CUL2: variants seen among roughly 807,000 people sequenced by gnomAD.
CUL2 encodes the protein cullin 2, also known as cullin-2.
CUL2 carries 22 observed loss-of-function variants against 110.2 expected under a neutral mutation model. That is an observed-to-expected ratio of 0.20 (90% CI 0.14 to 0.28). The LOEUF is 0.28. Ranked by LOEUF, CUL2 falls within the 10% of genes least tolerant of loss-of-function variation. The pLI is 1.00. For synonymous variants in CUL2, 279 were observed against 293.2 expected, an observed-to-expected ratio of 0.95 and a Z score of 0.49; for missense variants, 631 against 905.5, an observed-to-expected ratio of 0.70 and a Z score of 3.89.
intron 1 of CUL2, among the ~76,000 whole-genome samples, chr10:35,108,515 G>C (rs990878419): frequency 6.6e-6 from 1 of 152,044 alleles, no homozygotes; most frequent in Non-Finnish European, 1.5e-5. Context: ...ATAGTTGTGG[G>C]AAAGACAGGG....
intron 1 of CUL2, among the ~76,000 whole-genome samples, chr10:35,113,545 G>A (rs1312502064): frequency 7.7e-6 from 1 of 129,718 alleles, no homozygotes; most frequent in Admixed American, 8.5e-5. Context: ...GCAAGATCCA[G>A]TAACTAGCAA....
At chr10:35,115,904 T>C (rs2087591340) in intron 1 of CUL2, among the ~76,000 whole-genome samples, 1 of 151,596 alleles carries the variant, frequency 6.6e-6, no homozygotes, top group Non-Finnish European at 1.5e-5. Context: ...AAAAATATAA[T>C]AAAATAATAA....
At chr10:35,030,260 G>A (rs1468895403) in intron 14 of CUL2, among the ~76,000 whole-genome samples, 1 of 152,220 alleles carries the variant, frequency 6.6e-6, no homozygotes, top group South Asian at 2.1e-4. Flanking sequence ...ATTTTTAATA[G>A]CATCTACTGA....
intron 10 of CUL2, 80 bp downstream of exon 10, chr10:35,035,092 T>G: frequency 6.6e-7 from 1 of 1,516,964 alleles, no homozygotes; most frequent in Non-Finnish European, 9.1e-7. Context: ...CTTTCATCTT[T>G]CAAAACAATA....
chr10:35,039,794 G>A (rs565365387), intron 8 of CUL2, among the ~76,000 whole-genome samples: 1 of 152,320 alleles, frequency 6.6e-6, no homozygotes, highest in Non-Finnish European at 1.5e-5. Flanking sequence ...GGTGGGGGTT[G>A]TAACGAGCCA....
rs2134740954 is a variant in CUL2 at position 35,034,988 on chromosome 10, T to C, written c.1002+184A>G. Among the ~76,000 whole-genome samples the C allele has an allele frequency of 1.3e-5, 2 of 152,358 alleles. 1 individual carries two copies. The highest frequency in any genetic ancestry group is 1.3e-4 in the Admixed American group (2 of 15,302). On this transcript the variant is annotated intron_variant, in intron 10 of 20. Coordinates refer to ENST00000374749, the MANE Select transcript of CUL2 (RefSeq NM_003591.4). ...AAGCAGCAGCCTATCAATAGCTTTC[T>C]AATAATCTGATAATTCCAAAATGAG... is the stretch of plus-strand genomic sequence containing the variant.
At chr10:35,072,034 A>C (rs752243870) in intron 1 of CUL2, among the ~76,000 whole-genome samples, 1 of 152,170 alleles carries the variant, frequency 6.6e-6, no homozygotes, top group East Asian at 1.9e-4. Flanking sequence ...TTTGGCCCCA[A>C]ATCCTTGTGG....
rs181272473 is a variant in CUL2 at position 35,069,445 on chromosome 10, A to C, written c.119+1754T>G. ...AGTCCCAGCTACTCAGGAGGCTGAG[A>C]TAGGAGGATCTCTTGAGCCTAGGAG... is the stretch of plus-strand genomic sequence containing the variant. On this transcript the variant is annotated intron_variant, in intron 2 of 20. Coordinates refer to ENST00000374749, the MANE Select transcript of CUL2 (RefSeq NM_003591.4). Among the ~76,000 whole-genome samples the C allele has an allele frequency of 2.3e-3, 351 of 152,084 alleles. 2 individuals are homozygous for C. Among genetic ancestry groups the C allele is most frequent in the African/African-American group, 8.2e-3 (341 of 41,518 alleles).
chr10:35,010,112 G>C lies in CUL2; in HGVS notation c.*199C>G. The C allele has an allele frequency of 2.8e-6, 1 of 351,702 alleles. No individual in the cohort carries two copies. The highest frequency in any genetic ancestry group is 4.9e-6 in the Non-Finnish European group (1 of 204,898). 21.8% of individuals were successfully genotyped at this position (351,702 alleles called of 1,614,324 possible). A position where few individuals can be genotyped will look rare whatever the true frequency, so the allele number is the denominator to read the frequency against. On this transcript the variant is annotated 3_prime_UTR_variant, in exon 21 of 21. Transcript: ENST00000374749. ...TTCTTTTAATAAAGTTTTAAGAAAT[G>C]TCATAATGACATGAGCTTGAAATAT...
At chr10:35,049,824 C>T (rs919833663) in intron 5 of CUL2, 59 bp from the exon 6 acceptor site, 1 of 1,161,016 alleles carries the variant, frequency 8.6e-7, no homozygotes, top group Non-Finnish European at 1.3e-6. Flanking sequence ...TTAACATTTC[C>T]TCAAGGTTTT....
rs148390673 is a variant in CUL2, at chr10:35,039,357, T to C, written c.715-275A>G. Among the ~76,000 whole-genome samples the C allele has an allele frequency of 1.1e-3, 168 of 152,314 alleles. 3 individuals carry two copies. In the East Asian group the frequency reaches 0.027, roughly 25 times the overall value. On this transcript the variant is annotated intron_variant, in intron 8 of 20. Coordinates refer to ENST00000374749, the MANE Select transcript of CUL2 (RefSeq NM_003591.4). ...TCATTTACCTACACCATTCATCCTA[T>C]TACATGGACAACATAACATGTAACA...
intron 1 of CUL2, among the ~76,000 whole-genome samples, chr10:35,085,872 G>C (rs1052957780): frequency 6.6e-6 from 1 of 152,104 alleles, no homozygotes; most frequent in Non-Finnish European, 1.5e-5. Context: ...GAGGGAGGAA[G>C]GGCATAAGGG....
chr10:35,113,498 C>CAAAAAAAAAA (rs59518617), intron 1 of CUL2, among the ~76,000 whole-genome samples: 5 of 33,310 alleles, frequency 1.5e-4, no homozygotes, highest in African/African-American at 2.0e-4. Context: ...GACTCTGCCT[C>CAAAAAAAAAA]AAAAAAAAAA....
Position 35,082,715 on chromosome 10 carries a change from A to G in CUL2, c.-23+7464T>C, listed in dbSNP as rs1456268692. On this transcript the variant is annotated intron_variant, in intron 1 of 20. Coordinates refer to ENST00000374749, the MANE Select transcript of CUL2 (RefSeq NM_003591.4). ...ATAATACTTGGTACTATGATGACAAAATACTATTTTTGGTTCAGACAGACT... is the reference window on the plus strand; with the variant it reads ...ATAATACTTGGTACTATGATGACAAGATACTATTTTTGGTTCAGACAGACT... 2.0e-5 allele frequency among the ~76,000 whole-genome samples: 3 copies of G among 152,200 alleles called. No homozygotes were observed. In the East Asian group the frequency reaches 5.8e-4, roughly 29 times the overall value.
chr10:35,099,218 C>A (rs2087342110), intron 2 of CUL2, among the ~76,000 whole-genome samples: 1 of 151,616 alleles, frequency 6.6e-6, no homozygotes, highest in Admixed American at 6.6e-5. Context: ...TGGTTAAAAC[C>A]TGTTCTTCTA....
At chr10:35,085,422 A>T (rs4934718) in intron 1 of CUL2, among the ~76,000 whole-genome samples, 48,886 of 150,742 alleles carry the variant, frequency 0.32, 8,004 homozygotes, top group South Asian at 0.35. Context: ...AAAGCGAGAC[A>T]CCGTCCCAAA....
chr10:35,058,390 G>A (rs1010117854), intron 4 of CUL2, among the ~76,000 whole-genome samples: 1 of 152,078 alleles, frequency 6.6e-6, no homozygotes, highest in Admixed American at 6.5e-5. Flanking sequence ...TGACTAACCC[G>A]CCTCAAAAAG....
intron 5 of CUL2, among the ~76,000 whole-genome samples, chr10:35,050,187 G>A (rs769150764): frequency 3.9e-5 from 6 of 152,010 alleles, no homozygotes; most frequent in Non-Finnish European, 7.4e-5. Context: ...CTGGTGTGGT[G>A]GCATGCGCCT....
rs776982498 is a variant in CUL2, at chr10:35,038,912, T to C, written c.877+8A>G. The C allele has an allele frequency of 1.7e-5, 26 of 1,573,010 alleles. No homozygotes were observed. The East Asian group carries it at 5.9e-4, about 36-fold the overall frequency. Reference sequence around the variant, plus strand: ...ATTTAATTTCTACTCATGTTTGGTGTCACTTACCATTTTTTTTCTCTTGTC... The same window carrying C: ...ATTTAATTTCTACTCATGTTTGGTGCCACTTACCATTTTTTTTCTCTTGTC... On this transcript the variant is annotated splice_region_variant and intron_variant, in intron 9 of 20. Coordinates refer to ENST00000374749, the MANE Select transcript of CUL2 (RefSeq NM_003591.4).
Sources: gnomAD v4.1 joint callset for allele counts (sites outside exome capture counted in the v4.1 genomes callset) on GRCh38, gnomAD v4.1.1 for gene constraint, MANE v1.5 for transcripts, NCBI Gene and HGNC (gene_info 2026-07-23, HGNC 2026-07-21) for gene names.